The following IMMP2L variants were observed in gnomAD, a reference collection of about 807,000 sequenced individuals.
IMMP2L encodes mitochondrial inner membrane protease subunit 2.
A neutral mutation model predicts 19.3 loss-of-function variants in IMMP2L; 18 were observed. That is an observed-to-expected ratio of 0.93 (90% CI 0.64 to 1.38). The LOEUF is 1.38. IMMP2L is among the 40% of genes most tolerant of loss of function. The pLI is 0.00. For missense variants in IMMP2L, 233 were observed against 218.2 expected (o/e 1.07, Z -0.43); for synonymous variants, 76 against 73.0 (o/e 1.04, Z -0.21).
intron 4 of IMMP2L, among the ~76,000 whole-genome samples, chr7:110,896,235 A>T (rs915971962): frequency 1.3e-5 from 2 of 152,188 alleles, no homozygotes; most frequent in African/African-American, 2.4e-5. Context: ...AAGTTGACTC[A>T]ATATAGAAAA....
chr7:111,255,589 T>C (rs1010264939), intron 3 of IMMP2L, among the ~76,000 whole-genome samples: 4 of 152,102 alleles, frequency 2.6e-5, no homozygotes, highest in African/African-American at 9.7e-5. Context: ...TGTATCATTT[T>C]ACCCTAATAA....
intron 3 of IMMP2L, among the ~76,000 whole-genome samples, chr7:111,047,310 T>G (rs1792502093): frequency 6.6e-6 from 1 of 151,960 alleles, no homozygotes; most frequent in Non-Finnish European, 1.5e-5. Flanking sequence ...GCCTCAACCT[T>G]CCAAGTAGCT....
At position 110,918,302 on chromosome 7, in the gene IMMP2L, CTTAG is replaced by C. The variant is rs373863377; in HGVS notation, c.306-31611_306-31608del. Among the ~76,000 whole-genome samples the C allele has an allele frequency of 5.3e-3, 813 of 152,092 alleles. 1 individual carries two copies. The highest frequency in any genetic ancestry group is 9.8e-3 in the African/African-American group (407 of 41,480). ...TTGTTTTAAGTAATTTGCATTTAGA[CTTAG>C]TTAGGAGAAGGAAGTAATTATGACC... is the stretch of plus-strand genomic sequence containing the variant. On this transcript the variant is annotated intron_variant, in intron 4 of 5. Transcript: ENST00000405709.
chr7:111,272,001 G>T (rs1281455417), intron 3 of IMMP2L, among the ~76,000 whole-genome samples: 5 of 152,040 alleles, frequency 3.3e-5, no homozygotes, highest in Non-Finnish European at 7.4e-5. Flanking sequence ...CTCCTAATCA[G>T]ATAAATACAA....
intron 5 of IMMP2L, among the ~76,000 whole-genome samples, chr7:110,823,112 A>T (rs999060740): frequency 2.0e-5 from 3 of 152,128 alleles, no homozygotes; most frequent in African/African-American, 7.2e-5. Context: ...ATGAGTTTTT[A>T]ATGTAATTTT....
intron 5 of IMMP2L, among the ~76,000 whole-genome samples, chr7:110,852,553 G>C (rs1378778604): frequency 1.3e-5 from 2 of 152,022 alleles, no homozygotes; most frequent in Non-Finnish European, 2.9e-5. Context: ...TCAGGAGAAA[G>C]AGAAACATTA....
chr7:110,856,235 C>G (rs1806751405), intron 5 of IMMP2L, among the ~76,000 whole-genome samples: 1 of 151,924 alleles, frequency 6.6e-6, no homozygotes, highest in African/African-American at 2.4e-5. Flanking sequence ...TTGAAAGGGA[C>G]AGGCAGTTTA....
intron 1 of IMMP2L, among the ~76,000 whole-genome samples, chr7:111,530,518 A>C (rs1039769426): frequency 6.6e-6 from 1 of 152,170 alleles, no homozygotes; most frequent in Admixed American, 6.5e-5. Context: ...GTTAACAAGA[A>C]TGTATTCAGC....
rs144319221 is a variant in IMMP2L at position 111,293,620 on chromosome 7, T to C, written c.239+193618A>G. 5.1e-4 allele frequency among the ~76,000 whole-genome samples: 77 copies of C among 152,052 alleles called. No individual in the cohort carries two copies. The South Asian group carries it at 6.6e-3, about 13-fold the overall frequency. ...TGTAGTTTTAAAATATTTTTAACAA[T>C]GTGGTTCAAAAAACTTTCCATGTAT... On this transcript the variant is annotated intron_variant, in intron 3 of 5. Coordinates refer to ENST00000405709, the MANE Select transcript of IMMP2L (RefSeq NM_032549.4).
In IMMP2L at chr7:110,757,273, G is replaced by A. The variant is rs921899052; in HGVS notation, c.409-93552C>T. ...TCACTGAGGGAACCACATCCAGAAGGGCTTCGTATTTGGTTTAATACTCAC... is the reference window on the plus strand; with the variant it reads ...TCACTGAGGGAACCACATCCAGAAGAGCTTCGTATTTGGTTTAATACTCAC... On this transcript the variant is annotated intron_variant, in intron 5 of 5. Coordinates refer to ENST00000405709, the MANE Select transcript of IMMP2L (RefSeq NM_032549.4). The surrounding 1 kb of genome is among the most constrained non-coding windows in gnomAD (Gnocchi z 4.2). Among the ~76,000 whole-genome samples the A allele has an allele frequency of 1.8e-4, 27 of 151,604 alleles. No homozygotes were observed. Among genetic ancestry groups the A allele is most frequent in the African/African-American group, 6.5e-4 (27 of 41,266 alleles).
At chr7:111,201,579 T>C (rs531587782) in intron 3 of IMMP2L, among the ~76,000 whole-genome samples, 17 of 152,068 alleles carry the variant, frequency 1.1e-4, no homozygotes, top group Admixed American at 3.3e-4. Flanking sequence ...TTGCTAGGCA[T>C]GGTGGCATGT....
At chr7:110,807,215 G>A (rs1214206027) in intron 5 of IMMP2L, among the ~76,000 whole-genome samples, 30 of 151,938 alleles carry the variant, frequency 2.0e-4, no homozygotes. Flanking sequence ...TATTCTTCAA[G>A]CCTATTCTTC....
At chr7:111,538,742 C>T (rs989356807) in intron 1 of IMMP2L, among the ~76,000 whole-genome samples, 19 of 141,702 alleles carry the variant, frequency 1.3e-4, no homozygotes, top group Admixed American at 4.4e-4. Context: ...CCAAGGAGAT[C>T]GAGACTGCAG....
intron 4 of IMMP2L, among the ~76,000 whole-genome samples, chr7:110,936,684 A>G (rs141135343): frequency 6.6e-6 from 1 of 152,218 alleles, no homozygotes; most frequent in East Asian, 1.9e-4. Context: ...ATTTGACCCA[A>G]CCATCCCATT....
At chr7:111,048,251 AAAAAAAAAAAAAAAG>A (rs1792623791) in intron 3 of IMMP2L, among the ~76,000 whole-genome samples, 3 of 143,342 alleles carry the variant, frequency 2.1e-5, no homozygotes, top group African/African-American at 7.6e-5. Context: ...AAAAAAAAAA[AAAAAAAAAAAAAAAG>A]AAAAAAAGAA....
chr7:111,527,236 C>T (rs556880199), intron 1 of IMMP2L, among the ~76,000 whole-genome samples: 2 of 152,178 alleles, frequency 1.3e-5, no homozygotes, highest in South Asian at 4.2e-4. Context: ...CTGAGCAACA[C>T]AGCAAGACTT....
chr7:111,138,426 G>T (rs994284055), intron 3 of IMMP2L, among the ~76,000 whole-genome samples: 1 of 152,146 alleles, frequency 6.6e-6, no homozygotes, highest in Admixed American at 6.5e-5. Flanking sequence ...ATTAACTCCA[G>T]GGGCCATAAG....
At chr7:110,861,968 T>A (rs1036606310) in intron 5 of IMMP2L, among the ~76,000 whole-genome samples, 5 of 152,096 alleles carry the variant, frequency 3.3e-5, no homozygotes, top group African/African-American at 1.2e-4. Flanking sequence ...ATAAATTATG[T>A]CCACATGACC....
intron 3 of IMMP2L, among the ~76,000 whole-genome samples, chr7:111,384,612 A>C (rs1226420904): frequency 6.6e-6 from 1 of 152,054 alleles, no homozygotes; most frequent in Non-Finnish European, 1.5e-5. Flanking sequence ...AATAGGTAAA[A>C]ATCTTTTGAC....
Sources: allele counts gnomAD v4.1 joint callset (sites outside exome capture counted in the v4.1 genomes callset), GRCh38; gene constraint gnomAD v4.1.1; non-coding constraint Gnocchi (gnomAD v3.1); transcripts MANE v1.5; gene names NCBI Gene and HGNC (gene_info 2026-07-23, HGNC 2026-07-21).